Variants in MAP3K4 observed in about 807,000 individuals in gnomAD.
MAP3K4 encodes the protein MAP three kinase 1.
A neutral mutation model predicts 185.6 loss-of-function variants in MAP3K4; 67 were observed. The observed-to-expected ratio is 0.36, with a 90% CI of 0.30 to 0.44. The LOEUF is 0.44. Among genes scored for constraint, MAP3K4 ranks in the 20% least tolerant of loss-of-function variants. MAP3K4 has a pLI of 1.00. For missense variants in MAP3K4, 1,551 were observed against 1,995.1 expected (o/e 0.78, Z 4.24); for synonymous variants, 702 against 710.4 (o/e 0.99, Z 0.19).
chr6:161,108,063 G>T lies in MAP3K4; in HGVS notation c.4119+94G>T, dbSNP rs989696975. ...CTGGTCGTGATTCAGTTCTCTGTGC[G>T]TAGAGCTGTCTTCAGCACCAGCACT... On this transcript the variant is annotated intron_variant, in intron 21 of 26. Transcript: ENST00000392142. The surrounding 1 kb of genome is among the most constrained non-coding windows in gnomAD (Gnocchi z 5.7). The T allele has an allele frequency of 7.1e-6, 8 of 1,123,956 alleles. No homozygotes were observed. In the East Asian group the frequency reaches 1.8e-4, roughly 25 times the overall value. The allele number at this position is 1,123,956 out of a possible 1,614,324, so 69.6% of individuals were successfully genotyped here.
rs1484369389 is a variant in MAP3K4, at chr6:161,110,843, T to A, written c.4396+929T>A. ...GGGGTCATCCTGATGTTGGCTTAAC[T>A]GGCTCTGTACCAGGCCGTAGCACTG... On this transcript the variant is annotated intron_variant, in intron 23 of 26. Coordinates refer to ENST00000392142, the MANE Select transcript of MAP3K4 (RefSeq NM_005922.4). The surrounding 1 kb of genome is among the most constrained non-coding windows in gnomAD (Gnocchi z 4.8). 6.6e-6 allele frequency among the ~76,000 whole-genome samples: 1 copy of A among 152,222 alleles called. No homozygotes were observed. Among genetic ancestry groups the A allele is most frequent in the Non-Finnish European group, 1.5e-5 (1 of 68,040 alleles).
At chr6:161,019,905 A>G (rs919952413) in intron 1 of MAP3K4, among the ~76,000 whole-genome samples, 3 of 152,238 alleles carry the variant, frequency 2.0e-5, no homozygotes, top group Non-Finnish European at 2.9e-5. Flanking sequence ...GGAGGCCAGT[A>G]TCACTCCAAA....
rs1403920273 is a variant in MAP3K4, at chr6:161,074,679, A to G, written c.2097+1067A>G. Among the ~76,000 whole-genome samples the G allele has an allele frequency of 1.3e-5, 2 of 152,184 alleles. No homozygotes were observed. The highest frequency in any genetic ancestry group is 2.4e-5 in the African/African-American group (1 of 41,452). The stretch of plus-strand genomic sequence containing the variant: ...AAGTACACGTTAGATTCATTAGGGT[A>G]TATGCATAGATGATTACGTAATGTG... On this transcript the variant is annotated intron_variant, in intron 5 of 26. Transcript: ENST00000392142. This position sits in a 1 kb window ranked among gnomAD's most constrained non-coding sequence, Gnocchi z 5.0.
intron 1 of MAP3K4, among the ~76,000 whole-genome samples, chr6:161,011,099 A>G (rs1307522131): frequency 6.6e-6 from 1 of 152,226 alleles, no homozygotes; most frequent in Non-Finnish European, 1.5e-5. Flanking sequence ...CTACAAAGAA[A>G]GAGAAGGTGG....
chr6:161,037,141 A>G lies in MAP3K4; in HGVS notation c.343+2692A>G, dbSNP rs890647121. Among the ~76,000 whole-genome samples, 8 of 152,194 alleles carry G rather than the reference A, an allele frequency of 5.3e-5. No individual in the cohort carries two copies. The highest frequency in any genetic ancestry group is 1.9e-4 in the African/African-American group (8 of 41,454). On this transcript the variant is annotated intron_variant, in intron 2 of 26. Coordinates refer to ENST00000392142, the MANE Select transcript of MAP3K4 (RefSeq NM_005922.4). The surrounding 1 kb of genome is among the most constrained non-coding windows in gnomAD (Gnocchi z 4.2). ...CAAGACAAGGTGGAAATGGGACGCCAGTGGTAGACAAGTGGGCCATTTTAA... is the reference window on the plus strand; with the variant it reads ...CAAGACAAGGTGGAAATGGGACGCCGGTGGTAGACAAGTGGGCCATTTTAA...
chr6:161,055,303 C>T (rs1389243617), intron 3 of MAP3K4, among the ~76,000 whole-genome samples: 1 of 152,132 alleles, frequency 6.6e-6, no homozygotes, highest in South Asian at 2.1e-4. Context: ...ATTTACAGTT[C>T]AATTTAGCTT....
Position 161,034,557 on chromosome 6 carries a change from C to A in MAP3K4, c.343+108C>A. 1 of 920,540 alleles carries A rather than the reference C, an allele frequency of 1.1e-6. No individual in the cohort carries two copies. Among genetic ancestry groups the A allele is most frequent in the Non-Finnish European group, 1.5e-6 (1 of 658,424 alleles). The allele number at this position is 920,540 out of a possible 1,614,324, so 57.0% of individuals were successfully genotyped here. On this transcript the variant is annotated intron_variant, in intron 2 of 26. Coordinates refer to ENST00000392142, the MANE Select transcript of MAP3K4 (RefSeq NM_005922.4). This position sits in a 1 kb window ranked among gnomAD's most constrained non-coding sequence, Gnocchi z 4.4. ...TTTTATTTTTAATTTGATTTTAATG[C>A]TCCTGTAAAGTTCAATTTTTTTTTG...
chr6:161,006,089 A>G (rs1322179334), intron 1 of MAP3K4, among the ~76,000 whole-genome samples: 1 of 152,220 alleles, frequency 6.6e-6, no homozygotes, highest in African/African-American at 2.4e-5. Flanking sequence ...CCCGACCAAC[A>G]TGGCTGTTTT....
At position 161,039,453 on chromosome 6, in the gene MAP3K4, T is replaced by C. The variant is rs372051312; in HGVS notation, c.343+5004T>C. ...ACAGGTATGATTCTTGCAATGTTATTACCTCTGTAGGCTCAGAGTAGCTAC... is the reference window on the plus strand; with the variant it reads ...ACAGGTATGATTCTTGCAATGTTATCACCTCTGTAGGCTCAGAGTAGCTAC... On this transcript the variant is annotated intron_variant, in intron 2 of 26. Transcript: ENST00000392142. Among the ~76,000 whole-genome samples, 31 of 152,336 alleles carry C rather than the reference T, an allele frequency of 2.0e-4. No homozygotes were observed. In the East Asian group the frequency reaches 3.9e-3, roughly 19 times the overall value.
intron 1 of MAP3K4, among the ~76,000 whole-genome samples, chr6:161,021,619 C>G (rs1000207956): frequency 6.6e-6 from 1 of 152,172 alleles, no homozygotes; most frequent in Non-Finnish European, 1.5e-5. Flanking sequence ...CACTTTGTTC[C>G]CTGTAATCTT....
chr6:161,066,379 G>GT (rs948222357), intron 3 of MAP3K4, among the ~76,000 whole-genome samples: 3 of 148,180 alleles, frequency 2.0e-5, no homozygotes, highest in Non-Finnish European at 3.0e-5. Flanking sequence ...CATGTCTCTT[G>GT]TTTTTACTCA....
At chr6:161,099,658 G>T (rs896205021) in intron 17 of MAP3K4, among the ~76,000 whole-genome samples, 1 of 152,190 alleles carries the variant, frequency 6.6e-6, no homozygotes, top group African/African-American at 2.4e-5. Context: ...TCATAATTGA[G>T]GAGGGCATTG....
chr6:161,065,408 T>G (rs1375713691), intron 3 of MAP3K4, among the ~76,000 whole-genome samples: 1 of 152,244 alleles, frequency 6.6e-6, no homozygotes, highest in Non-Finnish European at 1.5e-5. Context: ...GTTCCTGCAC[T>G]GCACTGTCCC....
In MAP3K4 at chr6:160,995,375, T is replaced by C. The variant is rs375451860; in HGVS notation, c.152+3292T>C. Among the ~76,000 whole-genome samples, 7 of 152,246 alleles carry C rather than the reference T, an allele frequency of 4.6e-5. 1 individual carries two copies. The East Asian group carries it at 9.6e-4, about 21-fold the overall frequency. ...ATACTTTATGTCTGTGTGTCATTGA[T>C]TAGGAAGGTTGTGTTAATGCACAGG... On this transcript the variant is annotated intron_variant, in intron 1 of 26. Coordinates refer to ENST00000392142, the MANE Select transcript of MAP3K4 (RefSeq NM_005922.4).
chr6:161,091,267 T>C lies in MAP3K4; in HGVS notation c.2974-112T>C. The C allele has an allele frequency of 4.1e-6, 3 of 731,846 alleles. No individual in the cohort carries two copies. Among genetic ancestry groups the C allele is most frequent in the Admixed American group, 2.8e-5 (1 of 35,602 alleles). The allele number at this position is 731,846 out of a possible 1,614,324, so 45.3% of individuals were successfully genotyped here. On this transcript the variant is annotated intron_variant, in intron 11 of 26. Transcript: ENST00000392142. The surrounding 1 kb of genome is among the most constrained non-coding windows in gnomAD (Gnocchi z 5.5). Reference sequence around the variant, plus strand: ...GTAATTCCTTTACCAAGTGGCTGAATTGTTTGTAGTGGTTAATGTCTGTGT... The same window carrying C: ...GTAATTCCTTTACCAAGTGGCTGAACTGTTTGTAGTGGTTAATGTCTGTGT...
chr6:161,009,622 C>T (rs1202567687), intron 1 of MAP3K4, among the ~76,000 whole-genome samples: 1 of 152,032 alleles, frequency 6.6e-6, no homozygotes, highest in Non-Finnish European at 1.5e-5. Flanking sequence ...TATCACACTT[C>T]ATTTATCCAT....
Position 160,991,858 on chromosome 6 carries a change from A to G in MAP3K4, c.-74A>G. ...GGAGGCGGAGTCGAGTCACTCCCGC[A>G]CTTCGGGGCTCCGGTGCCCCGCGCC... is the stretch of plus-strand genomic sequence containing the variant. On this transcript the variant is annotated 5_prime_UTR_variant, in exon 1 of 27. Coordinates refer to ENST00000392142, the MANE Select transcript of MAP3K4 (RefSeq NM_005922.4). The surrounding 1 kb of genome is among the most constrained non-coding windows in gnomAD (Gnocchi z 5.7). The G allele has an allele frequency of 7.1e-7, 1 of 1,413,066 alleles. No individual in the cohort carries two copies. The highest frequency in any genetic ancestry group is 1.5e-5 in the South Asian group (1 of 65,290). The allele number at this position is 1,413,066 out of a possible 1,614,324, so 87.5% of individuals were successfully genotyped here. A position where few individuals can be genotyped will look rare whatever the true frequency, so the allele number is the denominator to read the frequency against.
Position 161,048,244 on chromosome 6 carries a change from A to G in MAP3K4, c.344-372A>G, listed in dbSNP as rs748110092. 1.8e-6 allele frequency: 1 copy of G among 540,764 alleles called. No individual in the cohort carries two copies. The highest frequency in any genetic ancestry group is 3.8e-6 in the Non-Finnish European group (1 of 265,750). The allele number at this position is 540,764 out of a possible 1,614,324, so 33.5% of individuals were successfully genotyped here. On this transcript the variant is annotated intron_variant, in intron 2 of 26. Transcript: ENST00000392142. The surrounding 1 kb of genome is among the most constrained non-coding windows in gnomAD (Gnocchi z 4.7). ...AGGAATTAAATATATTTTCTCATCCAGGTGTCCGTCAGATCTCCCATGCTG... is the reference window on the plus strand; with the variant it reads ...AGGAATTAAATATATTTTCTCATCCGGGTGTCCGTCAGATCTCCCATGCTG...
rs1307508193 is a variant in MAP3K4, at chr6:161,112,793, C to G, written c.4626+19C>G. 2.0e-6 allele frequency: 3 copies of G among 1,529,390 alleles called. No homozygotes were observed. The South Asian group carries it at 3.9e-5, about 20-fold the overall frequency. 94.7% of individuals were successfully genotyped at this position (1,529,390 alleles called of 1,614,324 possible). ...TGGCAAGGTAAGCGGAGCCCCCACA[C>G]CTGGCGGAGCAACTTCAGAAGGGCA... is the stretch of plus-strand genomic sequence containing the variant. On this transcript the variant is annotated intron_variant, in intron 25 of 26. Transcript: ENST00000392142. The surrounding 1 kb of genome is among the most constrained non-coding windows in gnomAD (Gnocchi z 5.1).
Sources: allele counts gnomAD v4.1 joint callset (sites outside exome capture counted in the v4.1 genomes callset), GRCh38; gene constraint gnomAD v4.1.1; non-coding constraint Gnocchi (gnomAD v3.1); transcripts MANE v1.5; gene names NCBI Gene and HGNC (gene_info 2026-07-23, HGNC 2026-07-21).